The following KCNIP1 variants were observed in gnomAD, a reference collection of about 807,000 sequenced individuals.
KCNIP1 encodes A-type potassium channel modulatory protein KCNIP1.
A neutral mutation model predicts 33.0 loss-of-function variants in KCNIP1; 18 were observed. The observed-to-expected ratio is 0.55, with a 90% CI of 0.38 to 0.81. The LOEUF (loss-of-function observed/expected upper bound fraction) is 0.81, where lower values mean the gene tolerates loss of function less well. Among genes scored for constraint, KCNIP1 ranks in the 30% least tolerant of loss-of-function variants. The pLI is 0.00. For missense variants in KCNIP1, 238 were observed against 271.6 expected (o/e 0.88, Z 0.87); for synonymous variants, 93 against 98.3 (o/e 0.95, Z 0.32).
chr5:170,463,142 T>A (rs914255983), intron 1 of KCNIP1, among the ~76,000 whole-genome samples: 1 of 152,144 alleles, frequency 6.6e-6, no homozygotes, highest in African/African-American at 2.4e-5. Context: ...AAAAATAAAA[T>A]TTTAAAACTA....
chr5:170,480,188 T>A (rs2879324), intron 1 of KCNIP1, among the ~76,000 whole-genome samples: 60,270 of 152,112 alleles, frequency 0.4, 12,300 homozygotes, highest in African/African-American at 0.48. Flanking sequence ...ATATTTTCTC[T>A]GTTACTTTCT....
chr5:170,391,699 TAGAG>T (rs781433803), intron 1 of KCNIP1, among the ~76,000 whole-genome samples: 13 of 152,198 alleles, frequency 8.5e-5, no homozygotes, highest in Non-Finnish European at 1.9e-4. Flanking sequence ...ACCCATTTGA[TAGAG>T]GGAGTAACTG....
chr5:170,674,594 A>T (rs552049479), intron 1 of KCNIP1, among the ~76,000 whole-genome samples: 1 of 152,294 alleles, frequency 6.6e-6, no homozygotes, highest in African/African-American at 2.4e-5. Context: ...TGCTGATGTG[A>T]TGGAGAATGA....
chr5:170,503,949 GCCCTC>G, upstream of KCNIP1: 1 of 502,536 alleles, frequency 2.0e-6, no homozygotes, highest in South Asian at 8.7e-5. Flanking sequence ...CCACCGTGCA[GCCCTC>G]GCCCCCGCCC....
At chr5:170,498,831 A>G (rs1179311522) in intron 1 of KCNIP1, among the ~76,000 whole-genome samples, 1 of 152,062 alleles carries the variant, frequency 6.6e-6, no homozygotes. Context: ...CCCTGACATG[A>G]TTGGGTTCAT....
chr5:170,512,291 A>T (rs1754962271), intron 1 of KCNIP1, among the ~76,000 whole-genome samples: 1 of 152,246 alleles, frequency 6.6e-6, no homozygotes, highest in South Asian at 2.1e-4. Flanking sequence ...CACACGGTCC[A>T]GGTGGGCAAG....
At chr5:170,419,599 G>A (rs888872488) in intron 1 of KCNIP1, among the ~76,000 whole-genome samples, 13 of 152,196 alleles carry the variant, frequency 8.5e-5, no homozygotes, top group South Asian at 2.1e-4. Flanking sequence ...TCTCTGAGTC[G>A]TATGATCATT....
intron 1 of KCNIP1, among the ~76,000 whole-genome samples, chr5:170,588,936 G>A (rs1758100245): frequency 1.3e-5 from 2 of 150,656 alleles, no homozygotes; most frequent in Middle Eastern, 3.5e-3. Context: ...TGAAATGGGT[G>A]TAATAATTGT....
chr5:170,494,155 C>G (rs1757265070), intron 1 of KCNIP1, among the ~76,000 whole-genome samples: 1 of 152,196 alleles, frequency 6.6e-6, no homozygotes, highest in South Asian at 2.1e-4. Context: ...ACATCAATTT[C>G]TCATTGCACA....
intron 1 of KCNIP1, among the ~76,000 whole-genome samples, chr5:170,647,981 A>G (rs1455882966): frequency 1.3e-5 from 2 of 152,230 alleles, no homozygotes. Context: ...CCGAACAGAC[A>G]TTTCACCAAG....
intron 1 of KCNIP1, among the ~76,000 whole-genome samples, chr5:170,472,751 C>CCA (rs1162598437): frequency 1.3e-5 from 2 of 151,994 alleles, no homozygotes; most frequent in Admixed American, 1.3e-4. Flanking sequence ...ACTACAAATG[C>CCA]TGATAATTCA....
At chr5:170,625,188 G>C (rs1196981874) in intron 1 of KCNIP1, among the ~76,000 whole-genome samples, 1 of 152,112 alleles carries the variant, frequency 6.6e-6, no homozygotes, top group East Asian at 1.9e-4. Context: ...ACCTTCTTCA[G>C]AGCCCACGTG....
At chr5:170,597,316 G>C (rs1348808376) in intron 1 of KCNIP1, among the ~76,000 whole-genome samples, 2 of 152,206 alleles carry the variant, frequency 1.3e-5, no homozygotes, top group African/African-American at 4.8e-5. Context: ...ATTCTCCCGT[G>C]CTAGGGAAGG....
intron 1 of KCNIP1, among the ~76,000 whole-genome samples, chr5:170,513,271 A>G (rs1203297875): frequency 6.6e-6 from 1 of 152,206 alleles, no homozygotes; most frequent in Non-Finnish European, 1.5e-5. Context: ...AAATAAGAAA[A>G]TAGAATCCAG....
chr5:170,571,405 T>G (rs887085741), intron 1 of KCNIP1, among the ~76,000 whole-genome samples: 38 of 152,254 alleles, frequency 2.5e-4, no homozygotes, highest in African/African-American at 8.7e-4. Flanking sequence ...CTTTCTCTCC[T>G]GCCTTCTTGC....
intron 1 of KCNIP1, among the ~76,000 whole-genome samples, chr5:170,442,567 T>G (rs1487513786): frequency 1.3e-5 from 2 of 152,160 alleles, no homozygotes; most frequent in African/African-American, 4.8e-5. Context: ...CGCCCTGCCC[T>G]GTCTGGCTCT....
At chr5:170,612,327 C>A (rs372008361) in intron 1 of KCNIP1, among the ~76,000 whole-genome samples, 13 of 152,236 alleles carry the variant, frequency 8.5e-5, no homozygotes, top group East Asian at 5.8e-4. Context: ...AAATGCCTAG[C>A]AAGCTCTCAG....
At chr5:170,688,150 AC>A (rs1762605767) in intron 1 of KCNIP1, among the ~76,000 whole-genome samples, 1 of 152,216 alleles carries the variant, frequency 6.6e-6, no homozygotes, top group Middle Eastern at 3.2e-3. Flanking sequence ...TTCCCATTTT[AC>A]AGATGAGGCA....
chr5:170,360,730 G>C (rs1027212699), intron 1 of KCNIP1, among the ~76,000 whole-genome samples: 64 of 152,226 alleles, frequency 4.2e-4, no homozygotes, highest in African/African-American at 1.5e-3. Context: ...TGGGAGAATT[G>C]GTCATCCATT....
Sources: gnomAD v4.1 joint callset for allele counts (sites outside exome capture counted in the v4.1 genomes callset) on GRCh38, gnomAD v4.1.1 for gene constraint, MANE v1.5 for transcripts, NCBI Gene and HGNC (gene_info 2026-07-23, HGNC 2026-07-21) for gene names.